CDH13: variants seen among roughly 807,000 people sequenced by gnomAD.
The protein encoded by CDH13 is cadherin 13.
CDH13 carries 24 observed loss-of-function variants against 63.8 expected under a neutral mutation model. The observed-to-expected ratio is 0.38, with a 90% CI of 0.27 to 0.53. The LOEUF is 0.53. Among genes scored for constraint, CDH13 ranks in the 20% least tolerant of loss-of-function variants. The pLI is 0.85. For synonymous variants in CDH13, 503 were observed against 355.3 expected, an observed-to-expected ratio of 1.42 and a Z score of -4.67; for missense variants, 1,049 against 903.1, an observed-to-expected ratio of 1.16 and a Z score of -2.07.
chr16:83,780,821 G>C (rs1293475521), intron 12 of CDH13, among the ~76,000 whole-genome samples: 1 of 152,314 alleles, frequency 6.6e-6, no homozygotes, highest in South Asian at 2.1e-4. Context: ...CTTCTCCCCA[G>C]CTATCTCTTG....
intron 8 of CDH13, among the ~76,000 whole-genome samples, chr16:83,658,266 CCCG>C (rs1913073785): frequency 7.4e-6 from 1 of 135,630 alleles, no homozygotes; most frequent in African/African-American, 2.7e-5. Context: ...ACCACCAGGT[CCCG>C]TATCCTCACC....
intron 2 of CDH13, among the ~76,000 whole-genome samples, chr16:82,912,195 C>T (rs2151266050): frequency 8.9e-6 from 1 of 112,880 alleles, no homozygotes. Context: ...GTGTCCTTCC[C>T]CTGAGACATG....
intron 2 of CDH13, among the ~76,000 whole-genome samples, chr16:82,960,727 A>T (rs923742530): frequency 6.6e-6 from 1 of 152,100 alleles, no homozygotes; most frequent in Non-Finnish European, 1.5e-5. Context: ...CTCATTTCTG[A>T]TATCTTCTAG....
intron 5 of CDH13, among the ~76,000 whole-genome samples, chr16:83,301,708 G>C (rs889816230): frequency 6.6e-6 from 1 of 152,070 alleles, no homozygotes; most frequent in Non-Finnish European, 1.5e-5. Context: ...GGCTATACTT[G>C]GTCTCAGGAT....
intron 3 of CDH13, among the ~76,000 whole-genome samples, chr16:83,061,467 A>G (rs1274580182): frequency 6.6e-6 from 1 of 152,184 alleles, no homozygotes; most frequent in Non-Finnish European, 1.5e-5. Flanking sequence ...GGGATGAGTA[A>G]CTGGCAGGTC....
In CDH13 at chr16:82,716,546, A is replaced by G. The variant is rs184649732; in HGVS notation, c.45+89409A>G. 2.8e-3 allele frequency among the ~76,000 whole-genome samples: 423 copies of G among 150,392 alleles called. 2 individuals carry two copies. The highest frequency in any genetic ancestry group is 1.0e-2 in the African/African-American group (407 of 40,736). On this transcript the variant is annotated intron_variant, in intron 1 of 13. Transcript: ENST00000567109. ...GATTATGAGTGGAGGAATCGGGGTT[A>G]TTTATCCTGGAAAAGAGAAGGCTGA... is the stretch of plus-strand genomic sequence containing the variant.
chr16:82,838,353 A>G (rs1201331995), intron 1 of CDH13, among the ~76,000 whole-genome samples: 1 of 152,200 alleles, frequency 6.6e-6, no homozygotes, highest in African/African-American at 2.4e-5. Context: ...TGTCCACTAT[A>G]GGGATGGACA....
chr16:83,779,405 TCAAAAAAAA>T lies in CDH13; in HGVS notation c.1682-562_1682-554del, dbSNP rs1302343393. On this transcript the variant is annotated intron_variant, in intron 11 of 13. Transcript: ENST00000567109. Reference sequence around the variant, plus strand: ...CCGGGCGACAGCGCGAGACTCCATCTCAAAAAAAAAAAAAAAAAAAAAAAAAAAAAAAAG... The same window carrying T: ...CCGGGCGACAGCGCGAGACTCCATCTAAAAAAAAAAAAAAAAAAAAAAAAG... 5.2e-4 allele frequency among the ~76,000 whole-genome samples: 35 copies of T among 67,806 alleles called. 1 individual carries two copies. Among genetic ancestry groups the T allele is most frequent in the South Asian group, 6.3e-4 (1 of 1,584 alleles). The allele number at this position is 67,806 out of a possible 152,430, so 44.5% of individuals were successfully genotyped here.
At chr16:83,364,556 A>C (rs2091223623) in intron 6 of CDH13, among the ~76,000 whole-genome samples, 1 of 152,190 alleles carries the variant, frequency 6.6e-6, no homozygotes, top group Admixed American at 6.5e-5. Flanking sequence ...AGAGCTCAAG[A>C]TGGAAGAGGT....
intron 6 of CDH13, among the ~76,000 whole-genome samples, chr16:83,411,678 C>G (rs902610239): frequency 1.3e-5 from 2 of 152,108 alleles, no homozygotes; most frequent in Non-Finnish European, 2.9e-5. Context: ...CATGTAGTAC[C>G]TTTTGTTCTC....
At chr16:83,278,651 C>T (rs1453581451) in intron 5 of CDH13, among the ~76,000 whole-genome samples, 1 of 152,188 alleles carries the variant, frequency 6.6e-6, no homozygotes, top group African/African-American at 2.4e-5. Flanking sequence ...ACTCTGGATC[C>T]TGGCAATGCC....
chr16:82,785,984 C>T (rs1342321296), intron 1 of CDH13, among the ~76,000 whole-genome samples: 1 of 152,084 alleles, frequency 6.6e-6, no homozygotes, highest in Non-Finnish European at 1.5e-5. Context: ...AGGGTTAGAC[C>T]ACACAGGCTA....
chr16:83,270,408 T>C (rs961628269), intron 5 of CDH13, among the ~76,000 whole-genome samples: 1 of 152,212 alleles, frequency 6.6e-6, no homozygotes, highest in African/African-American at 2.4e-5. Context: ...GTTTTTGGCA[T>C]CTGAGAATTA....
rs561734628 is a variant in CDH13 at position 82,888,339 on chromosome 16, G to T, written c.157+29866G>T. 9.0e-4 allele frequency among the ~76,000 whole-genome samples: 137 copies of T among 152,328 alleles called. 2 individuals carry two copies. Among genetic ancestry groups the T allele is most frequent in the Admixed American group, 1.4e-3 (22 of 15,304 alleles). On this transcript the variant is annotated intron_variant, in intron 2 of 13. Transcript: ENST00000567109. ...CTGTGACAGGGAATATTGTGAAGCT[G>T]CTGGACTGGGCCTGTGGGTTGCCTG...
intron 2 of CDH13, among the ~76,000 whole-genome samples, chr16:83,006,761 C>T (rs764118074): frequency 9.9e-5 from 15 of 152,160 alleles, no homozygotes; most frequent in Non-Finnish European, 1.8e-4. Context: ...TTTTCAGAAA[C>T]AGGTTTCATC....
At chr16:83,148,425 A>G (rs1368562025) in intron 4 of CDH13, among the ~76,000 whole-genome samples, 1 of 152,244 alleles carries the variant, frequency 6.6e-6, no homozygotes, top group Non-Finnish European at 1.5e-5. Flanking sequence ...CGGCAGTAGG[A>G]GAAGTGGATA....
intron 2 of CDH13, among the ~76,000 whole-genome samples, chr16:82,982,085 C>G (rs773548150): frequency 6.6e-6 from 1 of 152,020 alleles, no homozygotes; most frequent in African/African-American, 2.4e-5. Flanking sequence ...CACTTATTAG[C>G]TAATAAGTGT....
chr16:83,553,195 G>C (rs78145856), intron 7 of CDH13, among the ~76,000 whole-genome samples: 1,563 of 152,160 alleles, frequency 0.01, 20 homozygotes, highest in African/African-American at 0.036. Context: ...ATGTAAGTTC[G>C]GAGCAGTCCT....
intron 8 of CDH13, among the ~76,000 whole-genome samples, chr16:83,614,424 G>A (rs574540416): frequency 1.3e-5 from 2 of 152,264 alleles, no homozygotes; most frequent in Admixed American, 1.3e-4. Flanking sequence ...AGCTCTCCTT[G>A]GCCCTCTGGC....
Sources: allele counts gnomAD v4.1 joint callset (sites outside exome capture counted in the v4.1 genomes callset), GRCh38; gene constraint gnomAD v4.1.1; transcripts MANE v1.5; gene names NCBI Gene and HGNC (gene_info 2026-07-23, HGNC 2026-07-21).